Variants in MCC observed in about 807,000 individuals in gnomAD.
MCC encodes the protein MCC regulator of Wnt signaling pathway, also known as colorectal mutant cancer protein.
In MCC, 90 loss-of-function variants were observed where a neutral mutation model predicts 116.2. The ratio of observed to expected loss-of-function variants is 0.77; its 90% confidence interval spans 0.65 to 0.92. The LOEUF is 0.92. MCC is among the 40% of genes least tolerant of loss of function. The pLI is 0.00. For missense variants in MCC, 1,516 were observed against 1,312.2 expected (o/e 1.16, Z -2.40); for synonymous variants, 578 against 510.5 (o/e 1.13, Z -1.78).
chr5:113,163,886 T>C (rs909149826), intron 3 of MCC, among the ~76,000 whole-genome samples: 7 of 152,156 alleles, frequency 4.6e-5, no homozygotes, highest in Non-Finnish European at 1.0e-4. Context: ...AGTCCAAAAA[T>C]ACATGTACCA....
chr5:113,485,249 ACTC>A (rs1390687887), intron 1 of MCC, among the ~76,000 whole-genome samples: 2 of 151,770 alleles, frequency 1.3e-5, no homozygotes, highest in Non-Finnish European at 2.9e-5. Flanking sequence ...TTTCCAGCCT[ACTC>A]CTGTTTAGAA....
rs747828877 is a variant in MCC at position 113,134,798 on chromosome 5, G to A, written c.884+8420C>T. 1.1e-4 allele frequency among the ~76,000 whole-genome samples: 17 copies of A among 151,684 alleles called. No homozygotes were observed. In the East Asian group the frequency reaches 2.7e-3, roughly 24 times the overall value. ...TATAAATAACTCCCACAAGCTTAGC[G>A]TTCCAGTAATGGAACACTAGGCATA... On this transcript the variant is annotated intron_variant, in intron 5 of 18. Coordinates refer to ENST00000408903, the MANE Select transcript of MCC (RefSeq NM_001085377.2).
chr5:113,263,399 T>C (rs1432766520), intron 3 of MCC, among the ~76,000 whole-genome samples: 1 of 152,202 alleles, frequency 6.6e-6, no homozygotes, highest in Non-Finnish European at 1.5e-5. Context: ...CAAAGGATCA[T>C]AGCTATGTTA....
intron 3 of MCC, among the ~76,000 whole-genome samples, chr5:113,229,304 G>C (rs1284929204): frequency 1.3e-5 from 2 of 152,198 alleles, no homozygotes; most frequent in East Asian, 3.9e-4. Context: ...TTCAGAATCT[G>C]AAAAAATACT....
At chr5:113,175,028 G>A (rs1234213924) in intron 3 of MCC, among the ~76,000 whole-genome samples, 1 of 152,096 alleles carries the variant, frequency 6.6e-6, no homozygotes, top group African/African-American at 2.4e-5. Context: ...ACACCAAATT[G>A]TTAATGCTGG....
intron 8 of MCC, among the ~76,000 whole-genome samples, chr5:113,094,904 C>G (rs979892685): frequency 3.3e-5 from 5 of 152,134 alleles, no homozygotes; most frequent in Non-Finnish European, 7.3e-5. Flanking sequence ...GTGTAAGGCC[C>G]TCATGAAGTA....
chr5:113,031,442 G>C (rs1453141176), intron 17 of MCC, among the ~76,000 whole-genome samples: 1 of 137,686 alleles, frequency 7.3e-6, no homozygotes, highest in Non-Finnish European at 1.5e-5. Flanking sequence ...GGCCTTCCCA[G>C]CAGTCCTCCT....
chr5:113,382,754 C>A (rs896872144), intron 2 of MCC, among the ~76,000 whole-genome samples: 5 of 152,042 alleles, frequency 3.3e-5, no homozygotes, highest in African/African-American at 4.8e-5. Flanking sequence ...TAACAACTGC[C>A]CCCATTCTAC....
chr5:113,397,818 CA>C (rs1309174996), intron 1 of MCC, among the ~76,000 whole-genome samples: 1 of 152,004 alleles, frequency 6.6e-6, no homozygotes, highest in African/African-American at 2.4e-5. Flanking sequence ...GCAATTGCAA[CA>C]AAAATAAAAA....
At chr5:113,341,188 C>T (rs1768000975) in intron 2 of MCC, among the ~76,000 whole-genome samples, 2 of 151,518 alleles carry the variant, frequency 1.3e-5, no homozygotes, top group African/African-American at 2.4e-5. Context: ...CCTTTCCTTC[C>T]TTCCTTCCTT....
At chr5:113,133,643 G>T (rs1021130915) in intron 5 of MCC, among the ~76,000 whole-genome samples, 2 of 152,164 alleles carry the variant, frequency 1.3e-5, no homozygotes, top group African/African-American at 4.8e-5. Context: ...TATATACCCA[G>T]TAAGGGAATT....
chr5:113,349,358 G>C (rs1053558780), intron 2 of MCC, among the ~76,000 whole-genome samples: 1 of 151,940 alleles, frequency 6.6e-6, no homozygotes, highest in Admixed American at 6.6e-5. Flanking sequence ...ATGACAAAGT[G>C]GGATTTATCC....
chr5:113,264,678 T>C (rs1222490911), intron 3 of MCC, among the ~76,000 whole-genome samples: 1 of 152,082 alleles, frequency 6.6e-6, no homozygotes, highest in Non-Finnish European at 1.5e-5. Flanking sequence ...TTTAAATGGT[T>C]AAAAAAATCA....
chr5:113,413,233 T>C (rs1770044021), intron 1 of MCC, among the ~76,000 whole-genome samples: 4 of 104,904 alleles, frequency 3.8e-5, no homozygotes, highest in Admixed American at 8.9e-5. Flanking sequence ...TAAAATTCTC[T>C]TTTTTGGTTG....
At chr5:113,255,842 A>G (rs1355587250) in intron 3 of MCC, among the ~76,000 whole-genome samples, 1 of 152,156 alleles carries the variant, frequency 6.6e-6, no homozygotes, top group African/African-American at 2.4e-5. Flanking sequence ...AATGCATAAA[A>G]TGCTGCTTGG....
intron 3 of MCC, among the ~76,000 whole-genome samples, chr5:113,198,106 T>C (rs1561450414): frequency 6.6e-6 from 1 of 152,238 alleles, no homozygotes; most frequent in Non-Finnish European, 1.5e-5. Flanking sequence ...TCATACTATG[T>C]ATAAGTCTAG....
chr5:113,251,518 C>A (rs1046505199), intron 3 of MCC, among the ~76,000 whole-genome samples: 1 of 152,160 alleles, frequency 6.6e-6, no homozygotes, highest in Non-Finnish European at 1.5e-5. Context: ...TTCAGGAGGG[C>A]AGCAGTAAGT....
chr5:113,170,317 T>A (rs1761005764), intron 3 of MCC, among the ~76,000 whole-genome samples: 1 of 152,210 alleles, frequency 6.6e-6, no homozygotes, highest in African/African-American at 2.4e-5. Context: ...TTACTTCTAA[T>A]CCATGGCAGA....
intron 16 of MCC, among the ~76,000 whole-genome samples, chr5:113,046,685 CAAAAAAAAA>C (rs151183145): frequency 1.9e-4 from 11 of 58,388 alleles, no homozygotes; most frequent in South Asian, 1.7e-3. Flanking sequence ...ACTCAAAAGG[CAAAAAAAAA>C]AAAAAAAAAA....
Sources: allele counts gnomAD v4.1 joint callset (sites outside exome capture counted in the v4.1 genomes callset), GRCh38; gene constraint gnomAD v4.1.1; transcripts MANE v1.5; gene names NCBI Gene and HGNC (gene_info 2026-07-23, HGNC 2026-07-21).